ATRNL1: variants seen among roughly 807,000 people sequenced by gnomAD.
ATRNL1 encodes attractin-like protein 1.
ATRNL1 carries 95 observed loss-of-function variants against 182.7 expected under a neutral mutation model. The ratio of observed to expected loss-of-function variants is 0.52; its 90% CI spans 0.44 to 0.62. ATRNL1 has a LOEUF of 0.62. Among genes scored for constraint, ATRNL1 ranks in the 20% least tolerant of loss-of-function variants. The pLI is 0.00. For synonymous variants in ATRNL1, 576 were observed against 568.3 expected (o/e 1.01, Z -0.19); for missense variants, 1,471 against 1,679.5 (o/e 0.88, Z 2.17).
At chr10:115,331,932 G>T (rs1161711661) in intron 18 of ATRNL1, among the ~76,000 whole-genome samples, 1 of 152,118 alleles carries the variant, frequency 6.6e-6, no homozygotes. Flanking sequence ...TGACATTGTG[G>T]CACTCATAAA....
chr10:115,796,260 G>A (rs973429644), intron 27 of ATRNL1, among the ~76,000 whole-genome samples: 5 of 151,848 alleles, frequency 3.3e-5, no homozygotes, highest in Admixed American at 1.3e-4. Context: ...ATGTTCTGAT[G>A]CCACGTCTGC....
chr10:115,441,334 A>G (rs1554965668), intron 21 of ATRNL1, among the ~76,000 whole-genome samples: 1 of 151,908 alleles, frequency 6.6e-6, no homozygotes, highest in African/African-American at 2.4e-5. Flanking sequence ...TTCTCAAAAT[A>G]GTTGCCTAAA....
At chr10:115,581,894 C>G (rs531208146) in intron 26 of ATRNL1, among the ~76,000 whole-genome samples, 14 of 116,466 alleles carry the variant, frequency 1.2e-4, no homozygotes, top group African/African-American at 4.6e-4. Context: ...TCCCTCCCCC[C>G]TCCCCCCACC....
chr10:115,493,739 A>G (rs903923742), intron 24 of ATRNL1, among the ~76,000 whole-genome samples: 1 of 152,216 alleles, frequency 6.6e-6, no homozygotes, highest in Non-Finnish European at 1.5e-5. Flanking sequence ...CCAACACTGT[A>G]TAAGTTTTCT....
intron 1 of ATRNL1, among the ~76,000 whole-genome samples, chr10:115,097,758 T>A (rs1289573200): frequency 6.6e-6 from 1 of 152,084 alleles, no homozygotes; most frequent in Non-Finnish European, 1.5e-5. Flanking sequence ...ACCCCGTCTC[T>A]ACTAAAAATA....
intron 27 of ATRNL1, among the ~76,000 whole-genome samples, chr10:115,843,265 C>T (rs1373151566): frequency 6.6e-6 from 1 of 151,950 alleles, no homozygotes; most frequent in African/African-American, 2.4e-5. Context: ...GGCACAAGCA[C>T]CGTGCTTGGA....
chr10:115,779,596 T>G (rs1949212623), intron 27 of ATRNL1, among the ~76,000 whole-genome samples: 1 of 152,228 alleles, frequency 6.6e-6, no homozygotes, highest in African/African-American at 2.4e-5. Flanking sequence ...TAATTGGCAC[T>G]TGAAAGCTAA....
intron 26 of ATRNL1, among the ~76,000 whole-genome samples, chr10:115,680,990 G>A (rs1377618192): frequency 3.3e-5 from 5 of 152,182 alleles, no homozygotes; most frequent in African/African-American, 1.2e-4. Flanking sequence ...TACCTATAGT[G>A]TATCCATATT....
At chr10:115,230,915 GAGAGAGAA>G (rs1849915997) in intron 9 of ATRNL1, among the ~76,000 whole-genome samples, 63 of 137,582 alleles carry the variant, frequency 4.6e-4, no homozygotes, top group African/African-American at 1.4e-3. Flanking sequence ...GAGAGAGAGA[GAGAGAGAA>G]AGAGAGAAAT....
chr10:115,914,079 A>G (rs1952770017), intron 28 of ATRNL1, among the ~76,000 whole-genome samples: 1 of 152,216 alleles, frequency 6.6e-6, no homozygotes, highest in East Asian at 1.9e-4. Flanking sequence ...GTGAGTTCTC[A>G]GGAGATCTGA....
chr10:115,669,459 C>A (rs1014244164), intron 26 of ATRNL1, among the ~76,000 whole-genome samples: 3 of 152,028 alleles, frequency 2.0e-5, no homozygotes, highest in Non-Finnish European at 2.9e-5. Flanking sequence ...AAGGTAAATG[C>A]CAACTTTGCA....
At chr10:115,112,088 G>A (rs1592114347) in intron 1 of ATRNL1, among the ~76,000 whole-genome samples, 1 of 151,588 alleles carries the variant, frequency 6.6e-6, no homozygotes, top group Admixed American at 6.6e-5. Context: ...CTTACGATAA[G>A]TTTAACCAAA....
At chr10:115,162,379 A>G (rs1347792868) in intron 6 of ATRNL1, among the ~76,000 whole-genome samples, 1 of 152,076 alleles carries the variant, frequency 6.6e-6, no homozygotes, top group Non-Finnish European at 1.5e-5. Context: ...AGTTATTTGT[A>G]GGCGCAGAAA....
At chr10:115,738,173 C>G (rs1048218923) in intron 27 of ATRNL1, among the ~76,000 whole-genome samples, 4 of 73,236 alleles carry the variant, frequency 5.5e-5, no homozygotes, top group African/African-American at 1.8e-4. Context: ...GAGTCCTGCT[C>G]TGTCGCCCAG....
intron 27 of ATRNL1, among the ~76,000 whole-genome samples, chr10:115,791,597 C>T (rs1334516900): frequency 6.6e-6 from 1 of 152,118 alleles, no homozygotes; most frequent in Admixed American, 6.5e-5. Flanking sequence ...ACTAAGATAT[C>T]TGGCACTCTT....
intron 22 of ATRNL1, among the ~76,000 whole-genome samples, chr10:115,463,071 G>A (rs1435655607): frequency 6.6e-6 from 1 of 151,616 alleles, no homozygotes; most frequent in Non-Finnish European, 1.5e-5. Context: ...TAAATGATAT[G>A]TTAAATCCAT....
chr10:115,533,112 G>T (rs1488743262), intron 25 of ATRNL1, among the ~76,000 whole-genome samples: 1 of 152,214 alleles, frequency 6.6e-6, no homozygotes, highest in Non-Finnish European at 1.5e-5. Flanking sequence ...GATGATGCTG[G>T]CCTCATAATG....
chr10:115,502,252 TA>T (rs1429004492), intron 24 of ATRNL1, among the ~76,000 whole-genome samples: 1 of 151,974 alleles, frequency 6.6e-6, no homozygotes, highest in Admixed American at 6.5e-5. Context: ...GTATAATTTT[TA>T]TACCAATTAA....
At chr10:115,574,498 T>C (rs985728206) in intron 26 of ATRNL1, among the ~76,000 whole-genome samples, 4 of 152,160 alleles carry the variant, frequency 2.6e-5, no homozygotes, top group Non-Finnish European at 4.4e-5. Flanking sequence ...GTAACTAGTA[T>C]ATCATTATCA....
Sources: gnomAD v4.1 joint callset for allele counts (sites outside exome capture counted in the v4.1 genomes callset) on GRCh38, gnomAD v4.1.1 for gene constraint, MANE v1.5 for transcripts, NCBI Gene and HGNC (gene_info 2026-07-23, HGNC 2026-07-21) for gene names.